Variants in PLAGL1 observed in about 807,000 individuals in gnomAD.
The protein encoded by PLAGL1 is PLAG1 like zinc finger 1.
A neutral mutation model predicts 4.6 loss-of-function variants in PLAGL1; 1 was observed. That is an observed-to-expected ratio of 0.22 (90% confidence interval 0.08 to 1.03). The LOEUF is 1.03. PLAGL1 is among the 50% of genes least tolerant of loss of function. PLAGL1 has a pLI of 0.58. For missense variants in PLAGL1, 464 were observed against 570.4 expected, an observed-to-expected ratio of 0.81 and a Z score of 1.90; for synonymous variants, 240 against 237.8, an observed-to-expected ratio of 1.01 and a Z score of -0.08.
chr6:144,014,247 A>G (rs1429395040), intron 1 of PLAGL1, among the ~76,000 whole-genome samples: 2 of 152,028 alleles, frequency 1.3e-5, no homozygotes, highest in Non-Finnish European at 2.9e-5. Context: ...CTTGGCCAAC[A>G]TGGCAAAACC....
At position 143,966,441 on chromosome 6, in the gene PLAGL1, G is replaced by A. The variant is rs1208521256; in HGVS notation, c.-471-243C>T. The A allele has an allele frequency of 6.6e-6, 1 of 152,172 alleles. No homozygotes were observed. Among genetic ancestry groups the A allele is most frequent in the African/African-American group, 2.4e-5 (1 of 41,436 alleles). The allele number at this position is 152,172 out of a possible 1,614,324, so 9.4% of individuals were successfully genotyped here. A position where few individuals can be genotyped will look rare whatever the true frequency, so the allele number is the denominator to read the frequency against. ...TACAATAACTGAACTCTGAAGTTCA[G>A]TATAAAACTGTTCACAGAGCATTCT... On this transcript the variant is annotated intron_variant, in intron 3 of 7. Transcript: ENST00000674357. This position sits in a 1 kb window ranked among gnomAD's most constrained non-coding sequence, Gnocchi z 6.0.
chr6:144,025,972 T>C (rs1199823171), intron 1 of PLAGL1, among the ~76,000 whole-genome samples: 1 of 152,214 alleles, frequency 6.6e-6, no homozygotes, highest in Non-Finnish European at 1.5e-5. Context: ...CTGGGAATAC[T>C]GCCACATATA....
chr6:143,972,648 T>G lies in PLAGL1; in HGVS notation c.-543-3670A>C, dbSNP rs1192874404. Among the ~76,000 whole-genome samples, 2 of 152,176 alleles carry G rather than the reference T, an allele frequency of 1.3e-5. No homozygotes were observed. Among genetic ancestry groups the G allele is most frequent in the Admixed American group, 1.3e-4 (2 of 15,266 alleles). ...TACACACAATCCAGAATGGCATGAA[T>G]CACTGGCTTGAGTGGAACGTAGCTT... On this transcript the variant is annotated intron_variant, in intron 2 of 7. Coordinates refer to ENST00000674357, the MANE Select transcript of PLAGL1 (RefSeq NM_001317162.2). This position sits in a 1 kb window ranked among gnomAD's most constrained non-coding sequence, Gnocchi z 6.8.
chr6:144,003,620 T>C (rs1214597145), intron 1 of PLAGL1, among the ~76,000 whole-genome samples: 1 of 56,762 alleles, frequency 1.8e-5, no homozygotes. Context: ...TGAGACTCCA[T>C]CTCAAAAAAA....
At chr6:143,998,674 G>A (rs1374630611) in intron 1 of PLAGL1, among the ~76,000 whole-genome samples, 12 of 152,136 alleles carry the variant, frequency 7.9e-5, no homozygotes, top group Admixed American at 5.9e-4. Flanking sequence ...TTTAACAAGG[G>A]CTATAGATTA....
rs1439388242 is a variant in PLAGL1, at chr6:143,984,660, T to C, written c.-544+475A>G. On this transcript the variant is annotated intron_variant, in intron 2 of 7. Coordinates refer to ENST00000674357, the MANE Select transcript of PLAGL1 (RefSeq NM_001317162.2). This position sits in a 1 kb window ranked among gnomAD's most constrained non-coding sequence, Gnocchi z 5.5. ...ACTTTGTAACAATATTCTCCTCTCC[T>C]GCTAAGATGATGAAAAACAAAACCA... is the stretch of plus-strand genomic sequence containing the variant. Among the ~76,000 whole-genome samples the C allele has an allele frequency of 1.3e-5, 2 of 151,574 alleles. No homozygotes were observed. The highest frequency in any genetic ancestry group is 2.9e-5 in the Non-Finnish European group (2 of 68,002).
At position 144,055,133 on chromosome 6, in the gene PLAGL1, T is replaced by C. The variant is rs1798872263; in HGVS notation, c.-151+9335A>G. ...CCTTTACATATAGTAGTGCCATATATTTTGAAAAAGAAATGTCTAATGAGC... is the reference window on the plus strand; with the variant it reads ...CCTTTACATATAGTAGTGCCATATACTTTGAAAAAGAAATGTCTAATGAGC... On this transcript the variant is annotated intron_variant, in intron 1 of 3. Transcript: ENST00000437412. This position sits in a 1 kb window ranked among gnomAD's most constrained non-coding sequence, Gnocchi z 5.0. Among the ~76,000 whole-genome samples, 1 of 152,162 alleles carries C rather than the reference T, an allele frequency of 6.6e-6. No individual in the cohort carries two copies. The highest frequency in any genetic ancestry group is 1.5e-5 in the Non-Finnish European group (1 of 68,026).
intron 1 of PLAGL1, among the ~76,000 whole-genome samples, chr6:143,999,829 C>T (rs1163090048): frequency 2.0e-5 from 3 of 151,596 alleles, no homozygotes; most frequent in Admixed American, 6.6e-5. Flanking sequence ...AATAACCTAA[C>T]ACTAAGTAAT....
intron 1 of PLAGL1, among the ~76,000 whole-genome samples, chr6:144,052,438 C>A (rs1380716904): frequency 6.6e-6 from 1 of 152,188 alleles, no homozygotes; most frequent in Non-Finnish European, 1.5e-5. Context: ...CCACTTTGGG[C>A]AAGACATTTT....
chr6:144,022,632 A>G lies in PLAGL1; in HGVS notation c.-151+41836T>C, dbSNP rs1035190303. Among the ~76,000 whole-genome samples the G allele has an allele frequency of 6.6e-6, 1 of 152,170 alleles. No individual in the cohort carries two copies. The highest frequency in any genetic ancestry group is 1.5e-5 in the Non-Finnish European group (1 of 68,034). ...AGGTCTTTCCCATGCTGTTCTCACA[A>G]TAGTGAATAAGTTTCACCAGATCTG... On this transcript the variant is annotated intron_variant, in intron 1 of 3. Transcript: ENST00000437412. This position sits in a 1 kb window ranked among gnomAD's most constrained non-coding sequence, Gnocchi z 4.2.
At position 144,036,006 on chromosome 6, in the gene PLAGL1, C is replaced by T. The variant is rs1190959350; in HGVS notation, c.-151+28462G>A. 6.6e-6 allele frequency among the ~76,000 whole-genome samples: 1 copy of T among 152,070 alleles called. No homozygotes were observed. The highest frequency in any genetic ancestry group is 1.9e-4 in the East Asian group (1 of 5,188). ...GGGGCATTTCTGGGTTTTATTGTGCCTGGATGGCCATCTGATTACGTGTGG... is the reference window on the plus strand; with the variant it reads ...GGGGCATTTCTGGGTTTTATTGTGCTTGGATGGCCATCTGATTACGTGTGG... On this transcript the variant is annotated intron_variant, in intron 1 of 3. Transcript: ENST00000437412. This position sits in a 1 kb window ranked among gnomAD's most constrained non-coding sequence, Gnocchi z 5.1.
rs912903629 is a variant in PLAGL1, at chr6:143,955,379, C to T, written c.-325+5090G>A. Among the ~76,000 whole-genome samples the T allele has an allele frequency of 6.6e-6, 1 of 152,118 alleles. No homozygotes were observed. Among genetic ancestry groups the T allele is most frequent in the Non-Finnish European group, 1.5e-5 (1 of 68,030 alleles). On this transcript the variant is annotated intron_variant, in intron 6 of 7. Coordinates refer to ENST00000674357, the MANE Select transcript of PLAGL1 (RefSeq NM_001317162.2). This position sits in a 1 kb window ranked among gnomAD's most constrained non-coding sequence, Gnocchi z 4.9. ...AGAGAGATGGAGAATCGTGAAGGGTCCACTCTACAAGGGGAAGGTGGGCTT... is the reference window on the plus strand; with the variant it reads ...AGAGAGATGGAGAATCGTGAAGGGTTCACTCTACAAGGGGAAGGTGGGCTT...
At chr6:144,012,052 G>A (rs1795227133), upstream of PLAGL1, among the ~76,000 whole-genome samples, 1 of 152,144 alleles carries the variant, frequency 6.6e-6, no homozygotes, top group African/African-American at 2.4e-5. The surrounding 1 kb of genome is among the most constrained non-coding windows in gnomAD (Gnocchi z 4.8). Flanking sequence ...GGAGGGCTGG[G>A]CAGACATAGG....
intron 1 of PLAGL1, among the ~76,000 whole-genome samples, chr6:143,999,310 C>T (rs568468860): frequency 1.4e-4 from 21 of 152,276 alleles, no homozygotes; most frequent in Middle Eastern, 3.4e-3. Context: ...CGAGAGCAAA[C>T]ATAAGCCCCC....
At position 143,942,900 on chromosome 6, in the gene PLAGL1, C is replaced by A. The variant is rs554364512; in HGVS notation, c.153-237G>T. 2.6e-4 allele frequency among the ~76,000 whole-genome samples: 40 copies of A among 152,246 alleles called. No individual in the cohort carries two copies. The highest frequency in any genetic ancestry group is 9.2e-4 in the African/African-American group (38 of 41,524). On this transcript the variant is annotated intron_variant, in intron 7 of 7. Transcript: ENST00000674357. This position sits in a 1 kb window ranked among gnomAD's most constrained non-coding sequence, Gnocchi z 7.6. ...ACGTTTTTTGAGACAGGATCTGACT[C>A]TTTTGCCCAGGCTGGAGTGCAGTGG...
rs1562587296 is a variant in PLAGL1 at position 144,027,238 on chromosome 6, A to AAC, written c.-151+37229_-151+37230insGT. Among the ~76,000 whole-genome samples the AAC allele has an allele frequency of 2.0e-3, 132 of 65,448 alleles. 2 individuals carry two copies. The East Asian group carries it at 0.043, about 21-fold the overall frequency. The allele number at this position is 65,448 out of a possible 152,430, so 42.9% of individuals were successfully genotyped here. A position where few individuals can be genotyped will look rare whatever the true frequency, so the allele number is the denominator to read the frequency against. ...GACCCCAACTCAAAGAACGAACGAA[A>AAC]GAAAGAAAGAAAGAAAGAAAGAAAG... On this transcript the variant is annotated intron_variant, in intron 1 of 3. Transcript: ENST00000437412. This position sits in a 1 kb window ranked among gnomAD's most constrained non-coding sequence, Gnocchi z 5.8.
intron 1 of PLAGL1, among the ~76,000 whole-genome samples, chr6:144,045,939 C>T (rs1798112314): frequency 6.6e-6 from 1 of 152,154 alleles, no homozygotes; most frequent in Non-Finnish European, 1.5e-5. Context: ...ATTTGATCTT[C>T]AATCACTGAT....
rs1459677054 is a variant in PLAGL1, at chr6:144,004,988, AC to A, written c.-584+3101del. The A allele has an allele frequency of 1.3e-5, 2 of 149,186 alleles. No homozygotes were observed. The highest frequency in any genetic ancestry group is 3.0e-5 in the Non-Finnish European group (2 of 67,404). The allele number at this position is 149,186 out of a possible 1,614,324, so 9.2% of individuals were successfully genotyped here. On this transcript the variant is annotated intron_variant, in intron 1 of 7. Coordinates refer to ENST00000674357, the MANE Select transcript of PLAGL1 (RefSeq NM_001317162.2). This position sits in a 1 kb window ranked among gnomAD's most constrained non-coding sequence, Gnocchi z 4.2. ...TATATTTAATTTTTATATAAACTCT[AC>A]AGAGAGATTATATATAATCTATATA...
Position 144,004,266 on chromosome 6 carries a change from C to T in PLAGL1, c.-584+3824G>A, listed in dbSNP as rs761358000. 4.6e-5 allele frequency among the ~76,000 whole-genome samples: 7 copies of T among 151,922 alleles called. No homozygotes were observed. Among genetic ancestry groups the T allele is most frequent in the Non-Finnish European group, 8.8e-5 (6 of 68,002 alleles). On this transcript the variant is annotated intron_variant, in intron 1 of 7. Coordinates refer to ENST00000674357, the MANE Select transcript of PLAGL1 (RefSeq NM_001317162.2). This position sits in a 1 kb window ranked among gnomAD's most constrained non-coding sequence, Gnocchi z 4.2. Reference sequence around the variant, plus strand: ...GCATGATCGTAGTTCACTGTAAGCTCGAACTCCTGAGCTCAAGAGATTCTC... The same window carrying T: ...GCATGATCGTAGTTCACTGTAAGCTTGAACTCCTGAGCTCAAGAGATTCTC...
Sources: allele counts gnomAD v4.1 joint callset (sites outside exome capture counted in the v4.1 genomes callset), GRCh38; gene constraint gnomAD v4.1.1; non-coding constraint Gnocchi (gnomAD v3.1); transcripts MANE v1.5; gene names NCBI Gene and HGNC (gene_info 2026-07-23, HGNC 2026-07-21).